The following BRD10 variants were observed in gnomAD, a reference collection of about 807,000 sequenced individuals.
BRD10 encodes uncharacterized bromodomain-containing protein 10.
chr9:5,949,371 AAACAAC>A, the BRD10 span, among the ~76,000 whole-genome samples: 1,462 of 151,972 alleles, frequency 9.6e-3, 17 homozygotes, highest in African/African-American at 0.027. Flanking sequence ...ACAAACAAAC[AAACAAC>A]AACAACAACA....
chr9:5,954,746 A>G, the BRD10 span, among the ~76,000 whole-genome samples: 4 of 152,214 alleles, frequency 2.6e-5, no homozygotes, highest in Admixed American at 2.6e-4. Context: ...ACACTGAAAT[A>G]TATCTACTTT....
At chr9:5,881,307 A>G in the BRD10 span, among the ~76,000 whole-genome samples, 2 of 152,206 alleles carry the variant, frequency 1.3e-5, no homozygotes, top group Non-Finnish European at 2.9e-5. Context: ...AACTAACTAT[A>G]AGAATCTCAA....
the BRD10 span, among the ~76,000 whole-genome samples, chr9:5,925,220 G>A: frequency 4.6e-5 from 7 of 151,842 alleles, no homozygotes; most frequent in Admixed American, 6.6e-5. Context: ...TTAGCCAGGC[G>A]TGGTGGTGGG....
chr9:5,964,756 G>A, the BRD10 span, among the ~76,000 whole-genome samples: 1 of 133,250 alleles, frequency 7.5e-6, no homozygotes, highest in African/African-American at 2.8e-5. Flanking sequence ...GTCCTTTGTA[G>A]GGACATGGAT....
the BRD10 span, among the ~76,000 whole-genome samples, chr9:5,998,525 A>C: frequency 6.6e-6 from 1 of 152,048 alleles, no homozygotes; most frequent in Admixed American, 6.6e-5. Flanking sequence ...CTCAGGAGAA[A>C]AGACTCCTTT....
chr9:5,880,055 G>A, the BRD10 span, among the ~76,000 whole-genome samples: 1 of 151,570 alleles, frequency 6.6e-6, no homozygotes, highest in African/African-American at 2.4e-5. Context: ...AAGTAGCTGG[G>A]ATTACAGGCA....
the BRD10 span, among the ~76,000 whole-genome samples, chr9:5,916,492 T>C: frequency 6.7e-6 from 1 of 149,404 alleles, no homozygotes; most frequent in Middle Eastern, 3.2e-3. Flanking sequence ...TGTATGTGTG[T>C]ATATATATGT....
the BRD10 span, among the ~76,000 whole-genome samples, chr9:5,942,690 G>A: frequency 6.6e-6 from 1 of 152,238 alleles, no homozygotes; most frequent in Middle Eastern, 3.4e-3. Flanking sequence ...GCTAAGTACA[G>A]TTCCAAGAAT....
At chr9:5,922,822 T>C in the BRD10 span, 2 of 1,613,998 alleles carry the variant, frequency 1.2e-6, no homozygotes, top group Non-Finnish European at 1.7e-6. Flanking sequence ...AAGGACCTTT[T>C]GTATTGGTGT....
chr9:5,903,617 G>C, the BRD10 span, among the ~76,000 whole-genome samples: 29 of 152,110 alleles, frequency 1.9e-4, no homozygotes, highest in Non-Finnish European at 4.1e-4. Context: ...CAACTTCATA[G>C]TGGATGCAAC....
the BRD10 span, chr9:5,892,631 C>T: frequency 1.7e-6 from 2 of 1,149,822 alleles, no homozygotes; most frequent in East Asian, 4.9e-5. Flanking sequence ...CAGTACATGC[C>T]TGCTCGTAAA....
the BRD10 span, among the ~76,000 whole-genome samples, chr9:5,965,185 A>G: frequency 2.0e-5 from 3 of 152,138 alleles, no homozygotes; most frequent in Non-Finnish European, 2.9e-5. Flanking sequence ...AACCACATGT[A>G]GAACTTAGTC....
chr9:5,933,547 G>T, the BRD10 span, among the ~76,000 whole-genome samples: 1 of 152,190 alleles, frequency 6.6e-6, no homozygotes, highest in Non-Finnish European at 1.5e-5. Flanking sequence ...ACCCCATAGG[G>T]ATTGCTACAA....
chr9:5,945,579 T>C, the BRD10 span, among the ~76,000 whole-genome samples: 2 of 152,100 alleles, frequency 1.3e-5, no homozygotes, highest in African/African-American at 4.8e-5. Flanking sequence ...GTGTGGCTCA[T>C]TTCATTTCAC....
At chr9:5,927,565 C>T in the BRD10 span, among the ~76,000 whole-genome samples, 2 of 152,126 alleles carry the variant, frequency 1.3e-5, no homozygotes, top group East Asian at 1.9e-4. Flanking sequence ...ACTTCTAAGA[C>T]TTTTATCCAC....
the BRD10 span, among the ~76,000 whole-genome samples, chr9:5,911,724 G>A: frequency 1.3e-5 from 2 of 151,542 alleles, no homozygotes; most frequent in African/African-American, 2.4e-5. Context: ...TAGTAGAGAC[G>A]GGGTTTCACT....
At chr9:5,985,854 A>G in the BRD10 span, among the ~76,000 whole-genome samples, 1 of 152,170 alleles carries the variant, frequency 6.6e-6, no homozygotes, top group Non-Finnish European at 1.5e-5. Context: ...ATGAGAAACA[A>G]AAAAATTAAG....
the BRD10 span, among the ~76,000 whole-genome samples, chr9:5,937,054 C>T: frequency 6.7e-6 from 1 of 149,706 alleles, no homozygotes; most frequent in Non-Finnish European, 1.5e-5. Flanking sequence ...ATATAGTGAA[C>T]CCCTGTCTCT....
At chr9:6,007,330 C>T in the BRD10 span, 17 of 1,613,558 alleles carry the variant, frequency 1.1e-5, no homozygotes, top group East Asian at 6.7e-5. Flanking sequence ...CTCGGTGATG[C>T]CCCCGTACTG....
Sources: gnomAD v4.1 joint callset for allele counts (sites outside exome capture counted in the v4.1 genomes callset) on GRCh38, gnomAD v4.1.1 for gene constraint, MANE v1.5 for transcripts, NCBI Gene and HGNC (gene_info 2026-07-23, HGNC 2026-07-21) for gene names.